The following MIB1 variants were observed in gnomAD, a reference collection of about 807,000 sequenced individuals.
The protein encoded by MIB1 is E3 ubiquitin-protein ligase MIB1.
A neutral mutation model predicts 124.5 loss-of-function variants in MIB1; 278 were observed. That is an observed-to-expected ratio of 2.23 (90% CI 2.02 to 2.47). The LOEUF (loss-of-function observed/expected upper bound fraction) is 2.47. Among genes scored for constraint, MIB1 ranks in the 30% most tolerant of loss-of-function variants. The pLI, the probability that MIB1 is intolerant of heterozygous loss-of-function variation, is 0.00. For missense variants in MIB1, 957 were observed against 1,254.4 expected (o/e 0.76, Z 3.58); for synonymous variants, 446 against 429.4 (o/e 1.04, Z -0.48).
chr18:21,707,917 C>G (rs1276511539), intron 1 of MIB1, among the ~76,000 whole-genome samples: 1 of 152,176 alleles, frequency 6.6e-6, no homozygotes, highest in African/African-American at 2.4e-5. Context: ...AGTTTGAGAT[C>G]AGGGTACCGA....
rs372560663 is a variant in MIB1 at position 21,769,673 on chromosome 18, T to A, written c.531+921T>A. ...TTCTTTTGAAAGAGTATGTGAGAAG[T>A]CAAATTTTAATTGACTGTGTATTTT... On this transcript the variant is annotated intron_variant, in intron 3 of 20. Transcript: ENST00000261537. 9.2e-5 allele frequency among the ~76,000 whole-genome samples: 14 copies of A among 152,316 alleles called. 1 individual carries two copies. In the South Asian group the frequency reaches 2.9e-3, roughly 32 times the overall value.
At chr18:21,748,664 C>T (rs889138851) in intron 1 of MIB1, among the ~76,000 whole-genome samples, 11 of 149,804 alleles carry the variant, frequency 7.3e-5, no homozygotes, top group Admixed American at 6.7e-4. Flanking sequence ...CTTGTGAGGT[C>T]AAGTGATCCA....
chr18:21,709,143 C>T (rs965155270), intron 1 of MIB1, among the ~76,000 whole-genome samples: 3 of 151,988 alleles, frequency 2.0e-5, no homozygotes, highest in East Asian at 1.9e-4. Flanking sequence ...GGTGAAACCC[C>T]GTCTCTGCTA....
chr18:21,786,971 C>G (rs934206249), intron 6 of MIB1, among the ~76,000 whole-genome samples: 1 of 150,796 alleles, frequency 6.6e-6, no homozygotes, highest in African/African-American at 2.4e-5. Flanking sequence ...CATTGGCTTC[C>G]TGTTTATTTT....
intron 17 of MIB1, among the ~76,000 whole-genome samples, chr18:21,851,766 T>A (rs1260632395): frequency 1.3e-5 from 2 of 152,210 alleles, no homozygotes; most frequent in Non-Finnish European, 2.9e-5. Context: ...CCAACCCGGC[T>A]ATATGTACAG....
chr18:21,847,644 A>G (rs1779563354), intron 16 of MIB1, among the ~76,000 whole-genome samples: 1 of 152,164 alleles, frequency 6.6e-6, no homozygotes, highest in African/African-American at 2.4e-5. Flanking sequence ...TAAAATTTAA[A>G]TAGAATCTTC....
At chr18:21,800,003 A>G in intron 9 of MIB1, 29 bp downstream of exon 9, 2 of 1,594,040 alleles carry the variant, frequency 1.3e-6, no homozygotes, top group Non-Finnish European at 1.7e-6. Context: ...ATTTTGAAGC[A>G]TACAAAAAGT....
chr18:21,838,253 T>A, intron 12 of MIB1, 112 bp from the exon 13 acceptor site: 1 of 655,076 alleles, frequency 1.5e-6, no homozygotes, highest in Non-Finnish European at 2.4e-6. Flanking sequence ...TTTCTATTTG[T>A]CTCTAAGAGC....
At chr18:21,746,453 G>A (rs1397962821) in intron 1 of MIB1, among the ~76,000 whole-genome samples, 7 of 152,084 alleles carry the variant, frequency 4.6e-5, no homozygotes, top group Admixed American at 2.0e-4. Flanking sequence ...GTCTTGTTTC[G>A]AGATTCATTT....
At chr18:21,710,230 G>T (rs58030922) in intron 1 of MIB1, among the ~76,000 whole-genome samples, 4,837 of 151,760 alleles carry the variant, frequency 0.032, 284 homozygotes, top group African/African-American at 0.11. Flanking sequence ...GAGTTAACTG[G>T]GATTACAGGC....
intron 1 of MIB1, among the ~76,000 whole-genome samples, chr18:21,744,221 G>A (rs1254086445): frequency 6.8e-6 from 1 of 146,974 alleles, no homozygotes; most frequent in African/African-American, 2.5e-5. Context: ...AATAATCAGT[G>A]TTCACTGACA....
intron 1 of MIB1, among the ~76,000 whole-genome samples, chr18:21,715,714 A>G (rs1598578433): frequency 6.6e-6 from 1 of 152,254 alleles, no homozygotes; most frequent in East Asian, 1.9e-4. Context: ...AGAATGCAAA[A>G]TGCTCTGGAA....
chr18:21,713,894 TG>T (rs1472921794), intron 1 of MIB1, among the ~76,000 whole-genome samples: 1 of 152,030 alleles, frequency 6.6e-6, no homozygotes, highest in Non-Finnish European at 1.5e-5. Context: ...CCAGCACACC[TG>T]GCCCCATTTT....
rs541957058 is a variant in MIB1, at chr18:21,765,910, G to A, written c.368G>A (p.Arg123His). ...YHGDKHHLRH[R>H]FYRITTPGSE... Reference sequence around the variant, plus strand: ...GGAGATAAACATCATTTAAGACATCGCTTTTACCGAATTACTACACCGGGA... The same window carrying A: ...GGAGATAAACATCATTTAAGACATCACTTTTACCGAATTACTACACCGGGA... The change falls in exon 2 of 21, where the codon CGC (arginine) becomes CAC (histidine). Residue 123 changes from arginine to histidine, a missense_variant. Transcript: ENST00000261537. 6 of 1,614,046 alleles carry A rather than the reference G, an allele frequency of 3.7e-6. No individual in the cohort carries two copies. Among genetic ancestry groups the A allele is most frequent in the South Asian group, 2.2e-5 (2 of 91,074 alleles).
intron 12 of MIB1, chr18:21,830,595 T>TA (rs2041969785): frequency 6.6e-6 from 1 of 152,170 alleles, no homozygotes; most frequent in Non-Finnish European, 1.5e-5. Flanking sequence ...TCCTTAAAAG[T>TA]ACAGGCCTTA....
In MIB1 at chr18:21,866,430, T is replaced by C. The variant is rs2042322070; in HGVS notation, c.*1764T>C. 1 of 152,214 alleles carries C rather than the reference T, an allele frequency of 6.6e-6. No individual in the cohort carries two copies. The highest frequency in any genetic ancestry group is 1.5e-5 in the Non-Finnish European group (1 of 68,034). 9.4% of individuals were successfully genotyped at this position (152,214 alleles called of 1,614,324 possible). On this transcript the variant is annotated 3_prime_UTR_variant, in exon 21 of 21. Coordinates refer to ENST00000261537, the MANE Select transcript of MIB1 (RefSeq NM_020774.4). ...TGTTTTTAAAACTATTTTGAAGTTA[T>C]AAAAAGGTAGAACATCTGACTGATG... is the stretch of plus-strand genomic sequence containing the variant.
chr18:21,755,309 T>G (rs2041019017), intron 1 of MIB1, among the ~76,000 whole-genome samples: 1 of 151,326 alleles, frequency 6.6e-6, no homozygotes, highest in South Asian at 2.1e-4. Flanking sequence ...TGAGGGAAAA[T>G]GGGTTCTGAA....
Position 21,810,599 on chromosome 18 carries a change from A to G in MIB1, c.1480-5017A>G, listed in dbSNP as rs542287320. Among the ~76,000 whole-genome samples the G allele has an allele frequency of 6.6e-5, 10 of 152,030 alleles. No homozygotes were observed. The South Asian group carries it at 1.5e-3, about 22-fold the overall frequency. On this transcript the variant is annotated intron_variant, in intron 10 of 20. Transcript: ENST00000261537. ...GAAATAAGCCTTTGCATTAAGGTCAATTGCTTTTTGGGGTCCAAGACAATT... is the reference window on the plus strand; with the variant it reads ...GAAATAAGCCTTTGCATTAAGGTCAGTTGCTTTTTGGGGTCCAAGACAATT...
At chr18:21,834,667 A>C (rs571277232) in intron 12 of MIB1, among the ~76,000 whole-genome samples, 14 of 152,184 alleles carry the variant, frequency 9.2e-5, no homozygotes, top group African/African-American at 2.7e-4. Flanking sequence ...ACAAATTCCA[A>C]CTGAGGAATA....
Sources: allele counts gnomAD v4.1 joint callset (sites outside exome capture counted in the v4.1 genomes callset), GRCh38; gene constraint gnomAD v4.1.1; transcripts MANE v1.5; gene names NCBI Gene and HGNC (gene_info 2026-07-23, HGNC 2026-07-21).